Variants in GFOD1 observed in about 807,000 individuals in gnomAD.
GFOD1 encodes the protein Gfo/Idh/MocA-like oxidoreductase domain containing 1.
In GFOD1, 9 loss-of-function variants were observed where a neutral mutation model predicts 25.4. That is an observed-to-expected ratio of 0.35 (90% CI 0.21 to 0.62). GFOD1 has a LOEUF of 0.62. Ranked by LOEUF, GFOD1 falls within the 20% of genes least tolerant of loss-of-function variation. The probability of loss-of-function intolerance (pLI) is 0.72; values close to 1 mark genes in which losing one functional copy is unlikely to be tolerated. For synonymous variants in GFOD1, 253 were observed against 245.6 expected (o/e 1.03, Z -0.28); for missense variants, 403 against 556.9 (o/e 0.72, Z 2.78).
intron 1 of GFOD1, among the ~76,000 whole-genome samples, chr6:13,444,990 A>G (rs1757981059): frequency 6.6e-6 from 1 of 152,210 alleles, no homozygotes; most frequent in Admixed American, 6.5e-5. Context: ...ACCCCCTCTA[A>G]GTATTAAATG....
intron 1 of GFOD1, among the ~76,000 whole-genome samples, chr6:13,445,814 A>C (rs62385771): frequency 0.25 from 38,350 of 152,210 alleles, 5,575 homozygotes; most frequent in Non-Finnish European, 0.32. Context: ...GCCATGTGTG[A>C]CACAGGCTTG....
In GFOD1 at chr6:13,387,028, C is replaced by T. The variant is rs190339551; in HGVS notation, c.254-21366G>A. 3.0e-4 allele frequency among the ~76,000 whole-genome samples: 42 copies of T among 138,754 alleles called. 1 individual carries two copies. In the East Asian group the frequency reaches 4.3e-3, roughly 14 times the overall value. 91.0% of individuals were successfully genotyped at this position (138,754 alleles called of 152,430 possible). A position where few individuals can be genotyped will look rare whatever the true frequency, so the allele number is the denominator to read the frequency against. On this transcript the variant is annotated intron_variant, in intron 1 of 1. Transcript: ENST00000379287. ...TAGATGATTAGACCAACGATATCCT[C>T]GCCTAATAGGTGTACTTCTGTGTGC...
intron 1 of GFOD1, among the ~76,000 whole-genome samples, chr6:13,417,878 C>A (rs1349519126): frequency 2.0e-5 from 3 of 152,192 alleles, no homozygotes; most frequent in Non-Finnish European, 4.4e-5. Flanking sequence ...AAGGGTCTAA[C>A]CCACCCCTCA....
intron 1 of GFOD1, among the ~76,000 whole-genome samples, chr6:13,395,165 T>C (rs548902432): frequency 6.6e-6 from 1 of 152,288 alleles, no homozygotes; most frequent in African/African-American, 2.4e-5. Flanking sequence ...GGTGACTACA[T>C]TGCCAGTTCA....
chr6:13,462,196 AGT>A (rs1282258266), intron 1 of GFOD1, among the ~76,000 whole-genome samples: 1 of 152,228 alleles, frequency 6.6e-6, no homozygotes, highest in Admixed American at 6.5e-5. Flanking sequence ...GATCTGATAT[AGT>A]GTGTCTTCAA....
At chr6:13,417,609 A>G (rs748957454) in intron 1 of GFOD1, among the ~76,000 whole-genome samples, 2 of 152,232 alleles carry the variant, frequency 1.3e-5, no homozygotes, top group African/African-American at 2.4e-5. Context: ...TGCTGCTAGT[A>G]CAGTCGGTGT....
intron 1 of GFOD1, among the ~76,000 whole-genome samples, chr6:13,380,822 T>A (rs1452360227): frequency 1.3e-5 from 2 of 152,200 alleles, no homozygotes; most frequent in African/African-American, 4.8e-5. Flanking sequence ...GCTGGGAAAT[T>A]CGTCTTATCA....
chr6:13,406,677 A>G (rs1351281668), intron 1 of GFOD1, among the ~76,000 whole-genome samples: 1 of 152,194 alleles, frequency 6.6e-6, no homozygotes, highest in East Asian at 1.9e-4. Flanking sequence ...AATTTCCCTG[A>G]CAAAGAAGGG....
chr6:13,432,201 C>A (rs1287658789), intron 1 of GFOD1, among the ~76,000 whole-genome samples: 1 of 151,990 alleles, frequency 6.6e-6, no homozygotes, highest in East Asian at 1.9e-4. Flanking sequence ...CAGATTTCTT[C>A]CTGGTTAAGT....
chr6:13,464,700 T>C (rs1459306661), intron 1 of GFOD1, among the ~76,000 whole-genome samples: 2 of 152,186 alleles, frequency 1.3e-5, no homozygotes, highest in Non-Finnish European at 2.9e-5. Context: ...ATCCAATCAG[T>C]TGAAGGCTTT....
intron 1 of GFOD1, among the ~76,000 whole-genome samples, chr6:13,385,182 G>C (rs1006011964): frequency 2.0e-5 from 3 of 152,200 alleles, no homozygotes; most frequent in African/African-American, 7.2e-5. Context: ...ACTGGGGCCA[G>C]CAGAGGAGGT....
At position 13,448,124 on chromosome 6, in the gene GFOD1, A is replaced by G. The variant is rs529090283; in HGVS notation, c.253+38514T>C. ...GAGGCAGGGAAGAAAGGAGTGGAGCAAGCTGACGCAGCAGGGAACAAGACC... is the reference window on the plus strand; with the variant it reads ...GAGGCAGGGAAGAAAGGAGTGGAGCGAGCTGACGCAGCAGGGAACAAGACC... On this transcript the variant is annotated intron_variant, in intron 1 of 1. Coordinates refer to ENST00000379287, the MANE Select transcript of GFOD1 (RefSeq NM_018988.4). Among the ~76,000 whole-genome samples, 41 of 152,326 alleles carry G rather than the reference A, an allele frequency of 2.7e-4. No individual in the cohort carries two copies. In the South Asian group the frequency reaches 7.7e-3, roughly 28 times the overall value.
chr6:13,457,462 A>G (rs1312476187), intron 1 of GFOD1, among the ~76,000 whole-genome samples: 1 of 151,986 alleles, frequency 6.6e-6, no homozygotes, highest in Non-Finnish European at 1.5e-5. Flanking sequence ...CTTACCCCCA[A>G]CCCAGGGTCC....
At chr6:13,393,968 C>CG (rs1423966031) in intron 1 of GFOD1, among the ~76,000 whole-genome samples, 1 of 151,602 alleles carries the variant, frequency 6.6e-6, no homozygotes, top group Non-Finnish European at 1.5e-5. Context: ...TTAGTAGAGA[C>CG]GGGTTTCACC....
chr6:13,428,285 G>A (rs540373119), intron 1 of GFOD1, among the ~76,000 whole-genome samples: 1 of 152,284 alleles, frequency 6.6e-6, no homozygotes, highest in African/African-American at 2.4e-5. Context: ...GAATTTCTCT[G>A]TTCTCGTCCT....
intron 1 of GFOD1, among the ~76,000 whole-genome samples, chr6:13,369,878 A>C (rs1785115413): frequency 6.6e-6 from 1 of 152,216 alleles, no homozygotes; most frequent in Admixed American, 6.5e-5. Context: ...AAATGACAAA[A>C]GAAAAAGAAA....
intron 1 of GFOD1, among the ~76,000 whole-genome samples, chr6:13,470,787 G>A (rs1384292219): frequency 6.6e-6 from 1 of 152,154 alleles, no homozygotes; most frequent in African/African-American, 2.4e-5. Flanking sequence ...CTTGACTACA[G>A]TCAAGAGACA....
At chr6:13,479,529 G>A (rs890732749) in intron 1 of GFOD1, among the ~76,000 whole-genome samples, 4 of 152,128 alleles carry the variant, frequency 2.6e-5, no homozygotes, top group Admixed American at 2.6e-4. Flanking sequence ...ATAACTAAGT[G>A]CCTGTATATT....
At chr6:13,473,473 C>G (rs1221405347) in intron 1 of GFOD1, among the ~76,000 whole-genome samples, 1 of 152,226 alleles carries the variant, frequency 6.6e-6, no homozygotes, top group African/African-American at 2.4e-5. Context: ...CTCCAGCAAG[C>G]TGTTTGCCTT....
Sources: gnomAD v4.1 joint callset for allele counts (sites outside exome capture counted in the v4.1 genomes callset) on GRCh38, gnomAD v4.1.1 for gene constraint, MANE v1.5 for transcripts, NCBI Gene and HGNC (gene_info 2026-07-23, HGNC 2026-07-21) for gene names.